VPS53: variants seen among roughly 807,000 people sequenced by gnomAD.
VPS53 encodes the protein VPS53 subunit of GARP complex, also known as vacuolar protein sorting-associated protein 53 homolog.
Under a neutral mutation model 107.0 loss-of-function variants are expected in VPS53, and 70 were observed. That is an observed-to-expected ratio of 0.65 (90% CI 0.54 to 0.80). VPS53 has a LOEUF of 0.80. VPS53 is among the 30% of genes least tolerant of loss of function. The pLI is 0.00. For synonymous variants in VPS53, 409 were observed against 393.3 expected, an observed-to-expected ratio of 1.04 and a Z score of -0.47; for missense variants, 917 against 1,049.4, an observed-to-expected ratio of 0.87 and a Z score of 1.74.
At chr17:646,005 T>C (rs1334573121) in intron 7 of VPS53, among the ~76,000 whole-genome samples, 207 of 86,802 alleles carry the variant, frequency 2.4e-3, no homozygotes, top group Admixed American at 4.3e-3. Flanking sequence ...CTAATCCATA[T>C]CACGGACTGG....
chr17:671,452 A>C (rs1432862113), intron 4 of VPS53, among the ~76,000 whole-genome samples: 1 of 152,218 alleles, frequency 6.6e-6, no homozygotes, highest in Non-Finnish European at 1.5e-5. Context: ...CTGGGATTCA[A>C]ACCTTGGCTC....
At chr17:625,122 G>C (rs1464876283) in intron 10 of VPS53, among the ~76,000 whole-genome samples, 1 of 151,790 alleles carries the variant, frequency 6.6e-6, no homozygotes, top group African/African-American at 2.4e-5. Context: ...TCTAGTAGCT[G>C]GGATTACAGG....
At chr17:693,746 C>T (rs1252541141) in intron 4 of VPS53, among the ~76,000 whole-genome samples, 3 of 152,074 alleles carry the variant, frequency 2.0e-5, no homozygotes, top group Non-Finnish European at 4.4e-5. Flanking sequence ...ATAATAAATA[C>T]AAATTTAAAA....
Position 514,409 on chromosome 17 carries a change from A to G in VPS53, c.*4719T>C, listed in dbSNP as rs201450947. Reference sequence around the variant, plus strand: ...TCCGAGTGCTCTTCCTAGGTAAGGAATCCCATTTCCAGCAGGTTATTCTGA... The same window carrying G: ...TCCGAGTGCTCTTCCTAGGTAAGGAGTCCCATTTCCAGCAGGTTATTCTGA... On this transcript the variant is annotated 3_prime_UTR_variant, in exon 22 of 22. Transcript: ENST00000437048. 3.5e-3 allele frequency: 417 copies of G among 117,594 alleles called. 8 individuals are homozygous for G. Among genetic ancestry groups the G allele is most frequent in the East Asian group, 0.011 (39 of 3,464 alleles). The allele number at this position is 117,594 out of a possible 1,614,324, so 7.3% of individuals were successfully genotyped here.
At chr17:569,220 C>A (rs2151861846) in intron 13 of VPS53, among the ~76,000 whole-genome samples, 2 of 152,182 alleles carry the variant, frequency 1.3e-5, no homozygotes, top group Middle Eastern at 3.4e-3. Flanking sequence ...AAGTCAGGGA[C>A]AATTTGAGTA....
intron 1 of VPS53, among the ~76,000 whole-genome samples, chr17:712,212 A>C: frequency 1.7e-5 from 2 of 121,190 alleles, no homozygotes; most frequent in African/African-American, 3.3e-5. Context: ...ATGGAGTCTC[A>C]CTCTGTCGCT....
chr17:608,790 A>AT (rs1364894781), intron 11 of VPS53, among the ~76,000 whole-genome samples: 2 of 150,240 alleles, frequency 1.3e-5, no homozygotes, highest in Admixed American at 6.6e-5. Flanking sequence ...TCATTTTAAA[A>AT]TTTTTTTTTA....
intron 9 of VPS53, among the ~76,000 whole-genome samples, 174 bp from the exon 10 acceptor site, chr17:627,490 G>A (rs562946208): frequency 1.3e-5 from 2 of 152,248 alleles, no homozygotes; most frequent in South Asian, 4.1e-4. Context: ...AAATTCAGAG[G>A]TTTTTGGCTG....
chr17:536,189 C>T (rs369177939), intron 18 of VPS53, among the ~76,000 whole-genome samples: 7 of 152,178 alleles, frequency 4.6e-5, no homozygotes, highest in Non-Finnish European at 8.8e-5. Context: ...GGAAGACACA[C>T]GGCTCAGGGT....
In VPS53 at chr17:585,179, C is replaced by T. The variant is rs373431605; in HGVS notation, c.1313+1091G>A. 8.5e-5 allele frequency among the ~76,000 whole-genome samples: 13 copies of T among 152,306 alleles called. No homozygotes were observed. The East Asian group carries it at 1.5e-3, about 18-fold the overall frequency. On this transcript the variant is annotated intron_variant, in intron 13 of 21. Coordinates refer to ENST00000437048, the MANE Select transcript of VPS53 (RefSeq NM_001128159.3). ...GCAGGTACCACCTAAAGCAAGTAAT[C>T]GAAGTCCCCAATAATGGGACAAATC...
intron 4 of VPS53, among the ~76,000 whole-genome samples, chr17:678,561 G>C (rs1013617642): frequency 6.6e-6 from 1 of 151,484 alleles, no homozygotes; most frequent in African/African-American, 2.4e-5. Flanking sequence ...CTGCCTCCTG[G>C]GCTCCAGCGA....
At chr17:595,950 T>C (rs1967950811) in intron 12 of VPS53, among the ~76,000 whole-genome samples, 2 of 147,156 alleles carry the variant, frequency 1.4e-5, no homozygotes, top group South Asian at 4.4e-4. Context: ...CCTCGTTTGA[T>C]GATGCACTCT....
At chr17:664,454 G>A (rs979186707) in intron 4 of VPS53, among the ~76,000 whole-genome samples, 8 of 152,152 alleles carry the variant, frequency 5.3e-5, no homozygotes, top group Admixed American at 2.0e-4. Context: ...GTGTTTTGGA[G>A]GTCCGAAAAG....
At chr17:623,417 T>G in intron 11 of VPS53, 116 bp downstream of exon 11, 1 of 1,253,706 alleles carries the variant, frequency 8.0e-7, no homozygotes, top group Non-Finnish European at 1.1e-6. Context: ...GTGAAATCAC[T>G]GCAATGAGGG....
chr17:640,888 C>G (rs7221591), intron 7 of VPS53, among the ~76,000 whole-genome samples: 17 of 152,018 alleles, frequency 1.1e-4, no homozygotes, highest in African/African-American at 4.1e-4. Context: ...AAGTCTCACT[C>G]TTGTCTCCCA....
In VPS53 at chr17:517,169, C is replaced by A. The variant is rs1908369666; in HGVS notation, c.*1959G>T. On this transcript the variant is annotated 3_prime_UTR_variant, in exon 22 of 22. Transcript: ENST00000437048. ...TTCCTGGGGGCTCTCCCGACTGCCG[C>A]CCCCCGCCCTTGTCTTATTTGGAAT... 6.4e-6 allele frequency: 2 copies of A among 314,304 alleles called. No homozygotes were observed. Among genetic ancestry groups the A allele is most frequent in the South Asian group, 1.6e-4 (1 of 6,256 alleles). The allele number at this position is 314,304 out of a possible 1,614,324, so 19.5% of individuals were successfully genotyped here. A position where few individuals can be genotyped will look rare whatever the true frequency, so the allele number is the denominator to read the frequency against.
At chr17:639,576 C>T (rs1257015251) in intron 7 of VPS53, among the ~76,000 whole-genome samples, 8 of 152,110 alleles carry the variant, frequency 5.3e-5, no homozygotes, top group Non-Finnish European at 8.8e-5. Flanking sequence ...ATGATGGTGA[C>T]GTACAGATGG....
chr17:632,114 A>T (rs1969991153), intron 7 of VPS53, among the ~76,000 whole-genome samples: 1 of 152,144 alleles, frequency 6.6e-6, no homozygotes, highest in Non-Finnish European at 1.5e-5. Flanking sequence ...AAAAGTACCC[A>T]GGTGCGGGGG....
intron 5 of VPS53, among the ~76,000 whole-genome samples, chr17:661,339 G>A (rs1409324195): frequency 1.3e-5 from 2 of 151,754 alleles, no homozygotes; most frequent in African/African-American, 4.8e-5. Context: ...GGCCAACATG[G>A]TGAAACCCTT....
Sources: gnomAD v4.1 joint callset for allele counts (sites outside exome capture counted in the v4.1 genomes callset) on GRCh38, gnomAD v4.1.1 for gene constraint, MANE v1.5 for transcripts, NCBI Gene and HGNC (gene_info 2026-07-23, HGNC 2026-07-21) for gene names.